Variants in WNK3 observed in about 807,000 individuals in gnomAD.
The protein encoded by WNK3 is WNK lysine deficient protein kinase 3, also known as serine/threonine-protein kinase WNK3.
Under a neutral mutation model 116.7 loss-of-function variants are expected in WNK3, and 18 were observed. That is an observed-to-expected ratio of 0.15 (90% confidence interval 0.11 to 0.23). The LOEUF (loss-of-function observed/expected upper bound fraction) is 0.23, where lower values mean the gene tolerates loss of function less well. WNK3 is among the 10% of genes least tolerant of loss of function. The pLI, the probability that WNK3 is intolerant of heterozygous loss-of-function variation, is 1.00. For synonymous variants in WNK3, 404 were observed against 469.4 expected, an observed-to-expected ratio of 0.86 and a Z score of 1.80; for missense variants, 993 against 1,323.8, an observed-to-expected ratio of 0.75 and a Z score of 3.88.
intron 17 of WNK3, among the ~76,000 whole-genome samples, chrX:54,242,054 T>C (rs1361463036): frequency 9.2e-6 from 1 of 108,830 alleles, no homozygotes; most frequent in Non-Finnish European, 1.9e-5. Context: ...ATATAGAAAA[T>C]CCAAAATAAT....
At chrX:54,269,260 T>G (rs2068351961) in intron 10 of WNK3, among the ~76,000 whole-genome samples, 1 of 111,662 alleles carries the variant, frequency 9.0e-6, no homozygotes, top group Non-Finnish European at 1.9e-5. Context: ...ATACAAAAAT[T>G]AAAAGATTTG....
chrX:54,331,093 G>A (rs993055946), intron 2 of WNK3, among the ~76,000 whole-genome samples: 21 of 109,666 alleles, frequency 1.9e-4, no homozygotes, highest in Non-Finnish European at 3.4e-4. Context: ...GCATCAGGAA[G>A]AACAGCTAAT....
At chrX:54,250,164 A>T (rs1318627570) in intron 15 of WNK3, 33 bp from the exon 16 acceptor site, 2 of 1,136,512 alleles carry the variant, frequency 1.8e-6, no homozygotes, top group Admixed American at 6.0e-5. Flanking sequence ...ATAATATGCT[A>T]AGCTATTTTC....
At chrX:54,302,747 ATATATATATATT>A (rs1373321972) in intron 5 of WNK3, among the ~76,000 whole-genome samples, 1 of 44,499 alleles carries the variant, frequency 2.2e-5, no homozygotes, top group African/African-American at 7.8e-5. Context: ...ATATATATAT[ATATATATATATT>A]TTTTTTTTTT....
chrX:54,295,273 A>G (rs1053398484), intron 7 of WNK3, among the ~76,000 whole-genome samples: 1 of 109,251 alleles, frequency 9.2e-6, no homozygotes, highest in Non-Finnish European at 1.9e-5. Flanking sequence ...CTGTTTCTAT[A>G]TTCTCTCTTA....
At chrX:54,344,487 T>C (rs1360344766) in intron 1 of WNK3, among the ~76,000 whole-genome samples, 1 of 111,756 alleles carries the variant, frequency 8.9e-6, no homozygotes, top group African/African-American at 3.2e-5. Flanking sequence ...AAAGTCAGTA[T>C]ATTGAGCATA....
chrX:54,290,275 G>GA (rs111668722), intron 10 of WNK3, among the ~76,000 whole-genome samples: 25 of 98,178 alleles, frequency 2.5e-4, no homozygotes, highest in East Asian at 6.4e-4. Flanking sequence ...GACTCTGTCT[G>GA]AAAAAAAAAA....
intron 10 of WNK3, among the ~76,000 whole-genome samples, chrX:54,264,152 G>A (rs932596624): frequency 9.1e-6 from 1 of 109,598 alleles, no homozygotes; most frequent in African/African-American, 3.3e-5. Flanking sequence ...GGCCAACAGG[G>A]TGAAGCCCTG....
intron 2 of WNK3, among the ~76,000 whole-genome samples, chrX:54,327,889 G>A: frequency 9.1e-6 from 1 of 109,693 alleles, no homozygotes; most frequent in African/African-American, 3.3e-5. Flanking sequence ...AATCAATTAA[G>A]CCCACAAGGT....
rs1161979833 is a variant in WNK3, at chrX:54,299,645, C to T, written c.1179-1251G>A. Among the ~76,000 whole-genome samples, 40 of 108,551 alleles carry T rather than the reference C, an allele frequency of 3.7e-4. 1 individual carries two copies. Among genetic ancestry groups the T allele is most frequent in the African/African-American group, 1.2e-3 (35 of 29,746 alleles). 94.3% of individuals were successfully genotyped at this position (108,551 alleles called of 115,157 possible). ...TTCACCATGTTGGCCAGGATGGTCT[C>T]AATCTCTTGATTTTGTGATCCGCCC... On this transcript the variant is annotated intron_variant, in intron 6 of 23. Coordinates refer to ENST00000354646, the Ensembl canonical transcript of WNK3.
intron 2 of WNK3, among the ~76,000 whole-genome samples, chrX:54,318,974 C>T (rs887266527): frequency 1.8e-5 from 2 of 109,718 alleles, no homozygotes; most frequent in African/African-American, 6.6e-5. Context: ...GAAAGGGTTT[C>T]GCCATGTTGG....
At position 54,195,678 on chromosome X, in the gene WNK3, CAT is replaced by C. The variant is rs782805376; in HGVS notation, c.*2644_*2645del. 3.0e-3 allele frequency: 340 copies of C among 111,706 alleles called. 3 individuals carry two copies. The highest frequency in any genetic ancestry group is 0.01 in the African/African-American group (312 of 30,855). The allele number at this position is 111,706 out of a possible 1,213,427, so 9.2% of individuals were successfully genotyped here. A position where few individuals can be genotyped will look rare whatever the true frequency, so the allele number is the denominator to read the frequency against. On this transcript the variant is annotated 3_prime_UTR_variant, in exon 24 of 24. Transcript: ENST00000354646. ...TTTTTTCTGTATTTTTAAATGTACA[CAT>C]GTTATATATACATAATGTATACATA... is the stretch of plus-strand genomic sequence containing the variant.
chrX:54,236,028 G>A (rs2067957147), intron 20 of WNK3, among the ~76,000 whole-genome samples: 1 of 112,027 alleles, frequency 8.9e-6, no homozygotes, highest in African/African-American at 3.2e-5. Flanking sequence ...GTGCTAGGAG[G>A]GAGACTACTG....
Position 54,293,036 on chromosome X carries a change from A to G in WNK3, c.1889T>C (p.Leu630Ser), listed in dbSNP as rs2068656940. The change falls in exon 10 of 24, where the codon TTA (leucine) becomes TCA (serine). Residue 630 changes from leucine to serine, a missense_variant and splice_region_variant. This residue lies in a region of WNK3 where 836 missense variants were observed against 976.5 expected (regional missense o/e 0.86). Coordinates refer to ENST00000354646, the Ensembl canonical transcript of WNK3. ...CTGAGTCAGCTTTGAATGCTTCTGT[A>G]ACTGTTAAAATAAGGGGAAAAAAAG... The G allele has an allele frequency of 3.3e-6, 4 of 1,206,011 alleles. No homozygotes were observed. The East Asian group carries it at 1.2e-4, about 36-fold the overall frequency.
At chrX:54,218,540 C>A (rs781886219) in intron 22 of WNK3, among the ~76,000 whole-genome samples, 1 of 104,507 alleles carries the variant, frequency 9.6e-6, no homozygotes, top group African/African-American at 3.5e-5. Flanking sequence ...ATGAAGAAAT[C>A]CACTTTGAAG....
intron 6 of WNK3, among the ~76,000 whole-genome samples, chrX:54,299,564 A>G (rs1262417350): frequency 9.5e-6 from 1 of 104,977 alleles, no homozygotes; most frequent in Non-Finnish European, 1.9e-5. Context: ...AGCTGGGACT[A>G]CAGGTGTGTG....
intron 23 of WNK3, among the ~76,000 whole-genome samples, chrX:54,201,136 G>A (rs950387096): frequency 5.8e-4 from 65 of 111,490 alleles, no homozygotes; most frequent in African/African-American, 2.1e-3. Context: ...TGAAAAAAAA[G>A]TCACTTACTT....
At chrX:54,288,476 C>T (rs2068604119) in intron 10 of WNK3, among the ~76,000 whole-genome samples, 1 of 111,530 alleles carries the variant, frequency 9.0e-6, no homozygotes, top group African/African-American at 3.3e-5. Flanking sequence ...GAGTCATCTG[C>T]TGCTGCTGAA....
chrX:54,316,157 C>A (rs1569538776), intron 2 of WNK3, among the ~76,000 whole-genome samples: 1 of 111,120 alleles, frequency 9.0e-6, no homozygotes, highest in Non-Finnish European at 1.9e-5. Context: ...AGTTAAAACC[C>A]CAACCCCAAT....
Sources: gnomAD v4.1 joint callset for allele counts (sites outside exome capture counted in the v4.1 genomes callset) on GRCh38, gnomAD v4.1.1 for gene constraint, gnomAD v4.1.1 regional missense constraint, MANE v1.5 for transcripts, NCBI Gene and HGNC (gene_info 2026-07-23, HGNC 2026-07-21) for gene names.